Variants in FAM20C observed in about 807,000 individuals in gnomAD.
FAM20C encodes the protein extracellular serine/threonine protein kinase FAM20C.
A neutral mutation model predicts 51.5 loss-of-function variants in FAM20C; 40 were observed. The ratio of observed to expected loss-of-function variants is 0.78; its 90% CI spans 0.60 to 1.01. FAM20C has a LOEUF of 1.01. FAM20C is among the 50% of genes least tolerant of loss of function. FAM20C has a pLI of 0.00. For synonymous variants in FAM20C, 406 were observed against 380.6 expected, an observed-to-expected ratio of 1.07 and a Z score of -0.78; for missense variants, 861 against 844.7, an observed-to-expected ratio of 1.02 and a Z score of -0.24.
intron 5 of FAM20C, among the ~76,000 whole-genome samples, chr7:249,060 ATTTC>A (rs1425600957): frequency 1.3e-5 from 2 of 152,100 alleles, no homozygotes; most frequent in Non-Finnish European, 1.5e-5. Context: ...TGTTTCTTCC[ATTTC>A]TTTGTTTATT....
intron 3 of FAM20C, among the ~76,000 whole-genome samples, chr7:244,765 G>A (rs1788081817): frequency 6.6e-6 from 1 of 152,254 alleles, no homozygotes; most frequent in African/African-American, 2.4e-5. Flanking sequence ...ATCCTCATCT[G>A]GCCTTGCGCC....
intron 3 of FAM20C, among the ~76,000 whole-genome samples, chr7:231,605 T>C (rs960272586): frequency 6.6e-6 from 1 of 152,106 alleles, no homozygotes; most frequent in Non-Finnish European, 1.5e-5. Flanking sequence ...GGGGATGGTG[T>C]TCTTGGTAAG....
intron 5 of FAM20C, among the ~76,000 whole-genome samples, chr7:249,320 C>T (rs1228640732): frequency 6.6e-6 from 1 of 152,258 alleles, no homozygotes; most frequent in Non-Finnish European, 1.5e-5. Context: ...ATGGCCTGAA[C>T]GTTAGGCAGG....
intron 3 of FAM20C, among the ~76,000 whole-genome samples, chr7:226,540 C>T (rs1208372031): frequency 2.0e-5 from 3 of 152,092 alleles, no homozygotes; most frequent in African/African-American, 4.8e-5. Flanking sequence ...CAGGTGGCCC[C>T]GTGTGCCCCC....
intron 2 of FAM20C, among the ~76,000 whole-genome samples, chr7:203,306 C>G (rs1212827573): frequency 6.6e-6 from 1 of 152,242 alleles, no homozygotes; most frequent in Non-Finnish European, 1.5e-5. Flanking sequence ...CTGGGCTTCT[C>G]CCACCAATGA....
intron 3 of FAM20C, among the ~76,000 whole-genome samples, chr7:210,837 G>A (rs572570497): frequency 6.6e-6 from 1 of 152,204 alleles, no homozygotes; most frequent in East Asian, 1.9e-4. Flanking sequence ...GGAGAACGGT[G>A]ACATTTACCG....
chr7:237,844 A>ATGG (rs1583323557), intron 3 of FAM20C, among the ~76,000 whole-genome samples: 2 of 664 alleles, frequency 3.0e-3, no homozygotes, highest in Non-Finnish European at 0.011. Context: ...GATAGTGATG[A>ATGG]TGNNNNNNNN....
chr7:232,429 G>T (rs1173532767), intron 3 of FAM20C, among the ~76,000 whole-genome samples: 1 of 152,198 alleles, frequency 6.6e-6, no homozygotes, highest in African/African-American at 2.4e-5. Context: ...GCGTGGCCCT[G>T]GGTCACTGCC....
At chr7:257,813 TGCCCGGGGTGCTG>T (rs1788654270) in intron 8 of FAM20C, among the ~76,000 whole-genome samples, 5 of 125,382 alleles carry the variant, frequency 4.0e-5, no homozygotes, top group African/African-American at 1.5e-4. Flanking sequence ...GTGGACCCAC[TGCCCGGGGTGCTG>T]GAGATGGGCA....
intron 3 of FAM20C, among the ~76,000 whole-genome samples, chr7:212,805 T>A (rs1786783752): frequency 6.6e-6 from 1 of 152,208 alleles, no homozygotes; most frequent in Non-Finnish European, 1.5e-5. Context: ...GTCAGCTTTA[T>A]TGAGATATAA....
At chr7:216,830 C>T (rs372576836) in intron 3 of FAM20C, among the ~76,000 whole-genome samples, 13 of 152,046 alleles carry the variant, frequency 8.6e-5, no homozygotes, top group African/African-American at 2.4e-4. Flanking sequence ...GAAGGGCTTG[C>T]GGGGCTGACA....
chr7:228,188 T>C, intron 3 of FAM20C: 2 of 320,238 alleles, frequency 6.2e-6, no homozygotes, highest in Non-Finnish European at 1.2e-5. Flanking sequence ...CCTGGCATGG[T>C]TGTGATGAGG....
chr7:249,543 C>A (rs754870755), intron 5 of FAM20C, among the ~76,000 whole-genome samples: 59 of 152,164 alleles, frequency 3.9e-4, no homozygotes, highest in Non-Finnish European at 5.0e-4. Flanking sequence ...GAGTTTGAGA[C>A]CAGACTGGGC....
chr7:257,422 C>G (rs1049369044), intron 8 of FAM20C: 1 of 252,930 alleles, frequency 4.0e-6, no homozygotes, highest in Non-Finnish European at 7.5e-6. Flanking sequence ...CACGCGGTAC[C>G]TGGAGCCAGC....
chr7:252,945 T>C (rs539790898), intron 5 of FAM20C, among the ~76,000 whole-genome samples: 135 of 152,364 alleles, frequency 8.9e-4, no homozygotes, highest in Non-Finnish European at 1.7e-3. Flanking sequence ...CAGCTTTGCA[T>C]TTCTGCAAGG....
intron 3 of FAM20C, among the ~76,000 whole-genome samples, chr7:243,973 G>A (rs147375339): frequency 0.16 from 22,925 of 147,716 alleles, 3,900 homozygotes; most frequent in African/African-American, 0.44. Flanking sequence ...TGGAGACAGG[G>A]TCTCACTGTG....
chr7:229,817 G>A (rs112629120), intron 3 of FAM20C, among the ~76,000 whole-genome samples: 21 of 152,246 alleles, frequency 1.4e-4, no homozygotes, highest in African/African-American at 4.6e-4. Context: ...TGAGTGATGA[G>A]AAGATTACCC....
At chr7:232,258 T>C (rs28613779) in intron 3 of FAM20C, among the ~76,000 whole-genome samples, 129,347 of 152,254 alleles carry the variant, frequency 0.85, 55,202 homozygotes, top group Middle Eastern at 0.88. Context: ...TGGGAGTCGG[T>C]GGCCCTGGGT....
At chr7:217,167 C>T (rs1787022518) in intron 3 of FAM20C, among the ~76,000 whole-genome samples, 1 of 152,160 alleles carries the variant, frequency 6.6e-6, no homozygotes, top group Non-Finnish European at 1.5e-5. Context: ...AAACCTTTCC[C>T]AGGTGCCCTG....
Sources: allele counts gnomAD v4.1 joint callset (sites outside exome capture counted in the v4.1 genomes callset), GRCh38; gene constraint gnomAD v4.1.1; transcripts MANE v1.5; gene names NCBI Gene and HGNC (gene_info 2026-07-23, HGNC 2026-07-21).